The following LPCAT2 variants were observed in gnomAD, a reference collection of about 807,000 sequenced individuals.
LPCAT2 encodes 1-AGP acyltransferase 11.
A neutral mutation model predicts 64.7 loss-of-function variants in LPCAT2; 58 were observed. That is an observed-to-expected ratio of 0.90 (90% CI 0.73 to 1.12). LPCAT2 has a LOEUF of 1.12. Among genes scored for constraint, LPCAT2 ranks in the 50% most tolerant of loss-of-function variants. The pLI is 0.00. For missense variants in LPCAT2, 579 were observed against 669.8 expected, an observed-to-expected ratio of 0.86 and a Z score of 1.50; for synonymous variants, 252 against 245.3, an observed-to-expected ratio of 1.03 and a Z score of -0.26.
At chr16:55,581,745 A>G (rs1199292896) in intron 13 of LPCAT2, among the ~76,000 whole-genome samples, 2 of 152,234 alleles carry the variant, frequency 1.3e-5, no homozygotes, top group Non-Finnish European at 2.9e-5. Flanking sequence ...TAAGCTCAAT[A>G]AAGTTTTATC....
intron 1 of LPCAT2, among the ~76,000 whole-genome samples, chr16:55,515,162 C>G (rs1962992462): frequency 6.6e-6 from 1 of 152,066 alleles, no homozygotes; most frequent in South Asian, 2.1e-4. Context: ...TGCCCAAAAA[C>G]TTGCTGATTT....
intron 1 of LPCAT2, among the ~76,000 whole-genome samples, chr16:55,522,226 CAAGT>C (rs1338787208): frequency 6.6e-6 from 1 of 151,568 alleles, no homozygotes; most frequent in Non-Finnish European, 1.5e-5. Context: ...AAAATGAAAT[CAAGT>C]AATCTAATTT....
At chr16:55,532,153 A>T in intron 5 of LPCAT2, 179 bp downstream of exon 5, 1 of 552,920 alleles carries the variant, frequency 1.8e-6, no homozygotes, top group Non-Finnish European at 3.3e-6. Context: ...TTTTGGGGTC[A>T]TAATTCCTCT....
chr16:55,541,270 C>T (rs1963393201), intron 8 of LPCAT2: 1 of 151,766 alleles, frequency 6.6e-6, no homozygotes. Context: ...TTTTCATTTC[C>T]TTAAAGTAAT....
At chr16:55,532,780 TTATTCACATA>T (rs1567395268) in intron 5 of LPCAT2, 34 bp from the exon 6 acceptor site, 1 of 1,378,374 alleles carries the variant, frequency 7.3e-7, no homozygotes, top group Middle Eastern at 1.8e-4. Flanking sequence ...CATAAAACTT[TTATTCACATA>T]AAAACACATT....
At chr16:55,581,641 A>C (rs1456628105) in intron 13 of LPCAT2, among the ~76,000 whole-genome samples, 1 of 152,210 alleles carries the variant, frequency 6.6e-6, no homozygotes, top group Non-Finnish European at 1.5e-5. Flanking sequence ...GATTTTTTAA[A>C]AGTAAATGTA....
At chr16:55,516,873 G>A (rs1963019836) in intron 1 of LPCAT2, among the ~76,000 whole-genome samples, 1 of 152,184 alleles carries the variant, frequency 6.6e-6, no homozygotes, top group African/African-American at 2.4e-5. Context: ...AGGTAGGTCT[G>A]TATGTTAGAC....
chr16:55,538,679 C>CAAAAAAAAAAAAAAAA (rs3040226), intron 8 of LPCAT2: 1 of 90,872 alleles, frequency 1.1e-5, no homozygotes, highest in Non-Finnish European at 2.3e-5. Context: ...TCACTGTGGC[C>CAAAAAAAAAAAAAAAA]AAAAAAAAAA....
rs199549314 is a variant in LPCAT2, at chr16:55,582,869, G to T, written c.1451-45G>T. 125 of 1,321,322 alleles carry T rather than the reference G, an allele frequency of 9.5e-5. No homozygotes were observed. The African/African-American group carries it at 1.7e-3, about 18-fold the overall frequency. The allele number at this position is 1,321,322 out of a possible 1,614,324, so 81.8% of individuals were successfully genotyped here. On this transcript the variant is annotated intron_variant, in intron 13 of 13. Transcript: ENST00000262134. ...TTTATTAATCTGCATCATGCCAAAA[G>T]AAGATTCACCCCAACTTATTGGATT...
At position 55,585,130 on chromosome 16, in the gene LPCAT2, T is replaced by A. The variant is rs1478471208; in HGVS notation, c.*2032T>A. 6.6e-6 allele frequency: 1 copy of A among 152,218 alleles called. No individual in the cohort carries two copies. The highest frequency in any genetic ancestry group is 1.5e-5 in the Non-Finnish European group (1 of 68,018). The allele number at this position is 152,218 out of a possible 1,614,324, so 9.4% of individuals were successfully genotyped here. A position where few individuals can be genotyped will look rare whatever the true frequency, so the allele number is the denominator to read the frequency against. On this transcript the variant is annotated 3_prime_UTR_variant, in exon 14 of 14. Transcript: ENST00000262134. Reference sequence around the variant, plus strand: ...ACTTCTGTGAATGTGATATTTCTATTTTGTGATTATGTTACTGAATAAACA... The same window carrying A: ...ACTTCTGTGAATGTGATATTTCTATATTGTGATTATGTTACTGAATAAACA...
At chr16:55,532,380 G>A (rs1044209893) in intron 5 of LPCAT2, 1 of 164,236 alleles carries the variant, frequency 6.1e-6, no homozygotes, top group Non-Finnish European at 1.3e-5. Flanking sequence ...ACTTTAAAAT[G>A]TTTTTGTATT....
intron 11 of LPCAT2, among the ~76,000 whole-genome samples, chr16:55,569,041 A>G (rs143504716): frequency 1.2e-3 from 182 of 152,302 alleles, no homozygotes; most frequent in African/African-American, 4.2e-3. Flanking sequence ...TTGGAGGGTC[A>G]TCCCGAGTTT....
intron 1 of LPCAT2, among the ~76,000 whole-genome samples, chr16:55,510,008 T>TTTTTTTTTG (rs1962906915): frequency 6.7e-6 from 1 of 149,068 alleles, no homozygotes; most frequent in Non-Finnish European, 1.5e-5. Flanking sequence ...TTTTTTTTTT[T>TTTTTTTTTG]GCCTTAGGAA....
chr16:55,542,985 G>A (rs1319101183), intron 8 of LPCAT2, among the ~76,000 whole-genome samples: 1 of 152,112 alleles, frequency 6.6e-6, no homozygotes, highest in African/African-American at 2.4e-5. Context: ...TGTCTGTTGG[G>A]AACCATAAAA....
chr16:55,528,615 G>A (rs751378479), intron 3 of LPCAT2, 21 bp downstream of exon 3: 50 of 1,542,252 alleles, frequency 3.2e-5, no homozygotes, highest in Non-Finnish European at 4.3e-5. Context: ...GTAAGGTAAC[G>A]TAGATAAAAT....
intron 7 of LPCAT2, among the ~76,000 whole-genome samples, chr16:55,537,185 A>G (rs1963334114): frequency 6.6e-6 from 1 of 152,144 alleles, no homozygotes. Flanking sequence ...TGAAATACAT[A>G]TTTGGTATTC....
chr16:55,533,621 C>T (rs1459191023), intron 6 of LPCAT2, among the ~76,000 whole-genome samples: 2 of 151,264 alleles, frequency 1.3e-5, no homozygotes, highest in East Asian at 3.9e-4. Context: ...CCATGTTGAC[C>T]AGGCTGGTCT....
At chr16:55,558,492 A>T (rs1435893791) in intron 11 of LPCAT2, among the ~76,000 whole-genome samples, 4 of 152,206 alleles carry the variant, frequency 2.6e-5, no homozygotes, top group African/African-American at 9.6e-5. Flanking sequence ...ATACCATATT[A>T]TCTGCCTCTT....
intron 13 of LPCAT2, among the ~76,000 whole-genome samples, chr16:55,580,023 T>C (rs1190159689): frequency 6.6e-6 from 1 of 152,194 alleles, no homozygotes; most frequent in Non-Finnish European, 1.5e-5. Flanking sequence ...ATTGTTTCCC[T>C]GTCTTGGGTT....
Sources: gnomAD v4.1 joint callset for allele counts (sites outside exome capture counted in the v4.1 genomes callset) on GRCh38, gnomAD v4.1.1 for gene constraint, MANE v1.5 for transcripts, NCBI Gene and HGNC (gene_info 2026-07-23, HGNC 2026-07-21) for gene names.